The following CDK8 variants were observed in gnomAD, a reference collection of about 807,000 sequenced individuals.
The protein encoded by CDK8 is cyclin-dependent kinase 8.
A neutral mutation model predicts 71.5 loss-of-function variants in CDK8; 29 were observed. That is an observed-to-expected ratio of 0.41 (90% CI 0.30 to 0.55). The LOEUF (loss-of-function observed/expected upper bound fraction) is 0.55, where lower values mean the gene tolerates loss of function less well. CDK8 is among the 20% of genes least tolerant of loss of function. The pLI is 0.37. For synonymous variants in CDK8, 161 were observed against 192.1 expected (o/e 0.84, Z 1.34); for missense variants, 288 against 572.6 (o/e 0.50, Z 5.07).
intron 1 of CDK8, among the ~76,000 whole-genome samples, chr13:26,334,230 G>T (rs1027274703): frequency 6.6e-6 from 1 of 152,214 alleles, no homozygotes; most frequent in Non-Finnish European, 1.5e-5. Context: ...AGAGAAAGTG[G>T]TGGATATTAA....
At position 26,273,610 on chromosome 13, in the gene CDK8, GACTA is replaced by G. The variant is rs926458671; in HGVS notation, c.128+18846_128+18849del. On this transcript the variant is annotated intron_variant, in intron 1 of 12. Transcript: ENST00000381527. ...AGTTTAACTTTTTCTGTGCAGTTCA[GACTA>G]ACTATTGTAAAACATTAGCCATCAT... Among the ~76,000 whole-genome samples, 145 of 151,530 alleles carry G rather than the reference GACTA, an allele frequency of 9.6e-4. 1 individual carries two copies. Among genetic ancestry groups the G allele is most frequent in the African/African-American group, 3.4e-3 (140 of 41,446 alleles).
intron 1 of CDK8, among the ~76,000 whole-genome samples, chr13:26,324,206 T>TA (rs1351495075): frequency 6.6e-6 from 1 of 151,752 alleles, no homozygotes; most frequent in African/African-American, 2.4e-5. Flanking sequence ...CATTTGTTTA[T>TA]AACCTCAAAC....
At chr13:26,331,220 A>G (rs1875300743) in intron 1 of CDK8, among the ~76,000 whole-genome samples, 1 of 151,844 alleles carries the variant, frequency 6.6e-6, no homozygotes, top group Admixed American at 6.6e-5. Flanking sequence ...TTTTTCATAT[A>G]CCTGTTGGAT....
chr13:26,359,628 G>A (rs961459999), intron 4 of CDK8: 18 of 265,228 alleles, frequency 6.8e-5, no homozygotes, highest in Non-Finnish European at 1.2e-4. Flanking sequence ...GGGCATGAGC[G>A]GTTTTTCACT....
intron 1 of CDK8, among the ~76,000 whole-genome samples, chr13:26,262,022 C>T (rs1871791348): frequency 6.6e-6 from 1 of 152,178 alleles, no homozygotes; most frequent in Admixed American, 6.5e-5. Context: ...CAACTTAGAC[C>T]ACTCTGACCT....
chr13:26,288,089 AGT>A (rs1379663532), intron 1 of CDK8, among the ~76,000 whole-genome samples: 2 of 151,866 alleles, frequency 1.3e-5, no homozygotes, highest in Non-Finnish European at 2.9e-5. Flanking sequence ...CAGCCTCCCG[AGT>A]AGCTGGGACT....
In CDK8 at chr13:26,254,675, G is replaced by C; in HGVS notation, c.34G>C (p.Glu12Gln). 1 of 1,612,152 alleles carries C rather than the reference G, an allele frequency of 6.2e-7. No homozygotes were observed. The highest frequency in any genetic ancestry group is 8.5e-7 in the Non-Finnish European group (1 of 1,179,092). The change falls in exon 1 of 13, where the codon GAG (glutamate) becomes CAG (glutamine). Residue 12 changes from glutamate (E) to glutamine (Q), a missense_variant. Physicochemically the swap from Glu to Gln is conservative, Grantham distance 29. This residue lies in a region of CDK8 where 19 missense variants were observed against 24.4 expected (regional missense o/e 0.78). Transcript: ENST00000381527. The surrounding 1 kb of genome is among the most constrained non-coding windows in gnomAD (Gnocchi z 6.7). ...TGACTTTAAAGTGAAGCTGAGCAGCGAGCGGGAGCGGGTCGAGGACCTGTT... is the reference window on the plus strand; with the variant it reads ...TGACTTTAAAGTGAAGCTGAGCAGCCAGCGGGAGCGGGTCGAGGACCTGTT... ...DYDFKVKLSSERERVEDLFEY... is the reference protein window; with the variant it reads ...DYDFKVKLSSQRERVEDLFEY...
In CDK8 at chr13:26,374,043, A is replaced by AAAAAAAAAT. The variant is rs147290719; in HGVS notation, c.457-8770_457-8769insAAAAAAATA. Among the ~76,000 whole-genome samples, 594 of 111,478 alleles carry AAAAAAAAAT rather than the reference A, an allele frequency of 5.3e-3. 68 individuals carry two copies. Among genetic ancestry groups the AAAAAAAAAT allele is most frequent in the Non-Finnish European group, 7.0e-3 (394 of 56,504 alleles). 73.1% of individuals were successfully genotyped at this position (111,478 alleles called of 152,430 possible). A position where few individuals can be genotyped will look rare whatever the true frequency, so the allele number is the denominator to read the frequency against. ...AAAAAAAAAAAAAAAAAAAACAAAA[A>AAAAAAAAAT]ACAAAAAATTAGCTGGGCGTGGTGG... On this transcript the variant is annotated intron_variant, in intron 4 of 12. Coordinates refer to ENST00000381527, the MANE Select transcript of CDK8 (RefSeq NM_001260.3).
At chr13:26,303,106 T>A (rs934357309) in intron 1 of CDK8, among the ~76,000 whole-genome samples, 7 of 152,136 alleles carry the variant, frequency 4.6e-5, no homozygotes, top group African/African-American at 1.7e-4. Context: ...GTTTTATGTA[T>A]GCATGTATAT....
Position 26,254,774 on chromosome 13 carries a change from G to A in CDK8, c.128+5G>A. ...CAAAGCCAAGAGGAAAGATGGGTGAGTGTGTGTGTCTGGGCCGGTGTCCGC... is the reference window on the plus strand; with the variant it reads ...CAAAGCCAAGAGGAAAGATGGGTGAATGTGTGTGTCTGGGCCGGTGTCCGC... On this transcript the variant is annotated splice_donor_5th_base_variant and intron_variant, in intron 1 of 12. Transcript: ENST00000381527. The surrounding 1 kb of genome is among the most constrained non-coding windows in gnomAD (Gnocchi z 6.7). 1 of 1,611,370 alleles carries A rather than the reference G, an allele frequency of 6.2e-7. No individual in the cohort carries two copies. The highest frequency in any genetic ancestry group is 1.1e-5 in the South Asian group (1 of 90,554).
intron 4 of CDK8, among the ~76,000 whole-genome samples, chr13:26,374,132 C>A (rs1029433770): frequency 2.0e-5 from 3 of 151,298 alleles, no homozygotes; most frequent in Non-Finnish European, 4.4e-5. Context: ...ACCTGGGAGG[C>A]GGAGCTTGCA....
At chr13:26,315,171 A>T (rs1177451892) in intron 1 of CDK8, among the ~76,000 whole-genome samples, 2 of 152,182 alleles carry the variant, frequency 1.3e-5, no homozygotes, top group Non-Finnish European at 2.9e-5. Context: ...ATAATTTGTT[A>T]AATCATAGTT....
chr13:26,288,901 G>A (rs1873157038), intron 1 of CDK8, among the ~76,000 whole-genome samples: 1 of 151,542 alleles, frequency 6.6e-6, no homozygotes, highest in Non-Finnish European at 1.5e-5. Context: ...ATAGGCACGT[G>A]CCACTGCACC....
intron 4 of CDK8, among the ~76,000 whole-genome samples, chr13:26,379,848 T>C (rs1875133787): frequency 1.3e-5 from 2 of 152,188 alleles, no homozygotes; most frequent in Admixed American, 6.5e-5. Context: ...AAAGGGACTT[T>C]TAACTGTGTG....
At chr13:26,281,539 C>G (rs1270401054) in intron 1 of CDK8, among the ~76,000 whole-genome samples, 1 of 103,806 alleles carries the variant, frequency 9.6e-6, no homozygotes, top group Non-Finnish European at 1.7e-5. Context: ...GAGAAGGAAT[C>G]AGAAAAGTAA....
intron 4 of CDK8, among the ~76,000 whole-genome samples, chr13:26,371,174 C>T (rs541313317): frequency 4.6e-5 from 7 of 152,138 alleles, no homozygotes; most frequent in Non-Finnish European, 7.4e-5. Flanking sequence ...ATAGTGTGAG[C>T]TGCCATCTTA....
At chr13:26,399,327 T>C (rs1257715021) in intron 9 of CDK8, among the ~76,000 whole-genome samples, 2 of 152,190 alleles carry the variant, frequency 1.3e-5, no homozygotes, top group Non-Finnish European at 2.9e-5. Flanking sequence ...TAAGTCTTAA[T>C]GTGTCTGTTA....
chr13:26,341,967 C>T (rs1873259970), intron 2 of CDK8, among the ~76,000 whole-genome samples: 1 of 152,104 alleles, frequency 6.6e-6, no homozygotes, highest in African/African-American at 2.4e-5. Flanking sequence ...TTTCCCCAGG[C>T]TGGAGTACAG....
intron 1 of CDK8, among the ~76,000 whole-genome samples, chr13:26,307,372 A>G (rs763380231): frequency 1.6e-4 from 25 of 152,200 alleles, no homozygotes; most frequent in Non-Finnish European, 3.2e-4. Context: ...AAGCAAGGTC[A>G]GTGTGATATT....
Sources: allele counts gnomAD v4.1 joint callset (sites outside exome capture counted in the v4.1 genomes callset), GRCh38; gene constraint gnomAD v4.1.1; regional missense constraint gnomAD v4.1.1; non-coding constraint Gnocchi (gnomAD v3.1); transcripts MANE v1.5; gene names NCBI Gene and HGNC (gene_info 2026-07-23, HGNC 2026-07-21).